SLC2A13: variants seen among roughly 807,000 people sequenced by gnomAD.
SLC2A13 encodes the protein solute carrier family 2 member 13.
In SLC2A13, 32 loss-of-function variants were observed where a neutral mutation model predicts 64.4. The ratio of observed to expected loss-of-function variants is 0.50; its 90% CI spans 0.37 to 0.67. The LOEUF is 0.67. Among genes scored for constraint, SLC2A13 ranks in the 30% least tolerant of loss-of-function variants. The pLI, the probability that SLC2A13 is intolerant of heterozygous loss-of-function variation, is 0.00. For synonymous variants in SLC2A13, 338 were observed against 327.1 expected (o/e 1.03, Z -0.36); for missense variants, 743 against 829.2 (o/e 0.90, Z 1.28).
intron 7 of SLC2A13, among the ~76,000 whole-genome samples, chr12:39,777,716 G>C (rs562940666): frequency 5.3e-5 from 8 of 152,194 alleles, no homozygotes; most frequent in Non-Finnish European, 1.2e-4. Flanking sequence ...CGAGAGGAAC[G>C]CACCAACAGG....
At chr12:39,955,980 C>A (rs1199180634) in intron 3 of SLC2A13, among the ~76,000 whole-genome samples, 1 of 152,094 alleles carries the variant, frequency 6.6e-6, no homozygotes, top group East Asian at 1.9e-4. Context: ...ATTATAGTAA[C>A]CACAGAAAAC....
intron 6 of SLC2A13, among the ~76,000 whole-genome samples, chr12:39,842,616 A>AT (rs1337574063): frequency 6.6e-6 from 1 of 151,948 alleles, no homozygotes; most frequent in Non-Finnish European, 1.5e-5. Flanking sequence ...ATTTTTAAAA[A>AT]TTTTTTACTG....
chr12:39,929,329 G>T (rs544605733), intron 4 of SLC2A13, among the ~76,000 whole-genome samples: 1 of 152,048 alleles, frequency 6.6e-6, no homozygotes, highest in African/African-American at 2.4e-5. Flanking sequence ...GAGGTGGGTG[G>T]ATCACGACGT....
At chr12:39,961,606 C>T (rs1946414464) in intron 3 of SLC2A13, among the ~76,000 whole-genome samples, 1 of 152,098 alleles carries the variant, frequency 6.6e-6, no homozygotes, top group Non-Finnish European at 1.5e-5. Flanking sequence ...TCGAGCAATC[C>T]TCTCGCCTCA....
At chr12:39,924,507 A>G (rs895917626) in intron 4 of SLC2A13, among the ~76,000 whole-genome samples, 2 of 151,134 alleles carry the variant, frequency 1.3e-5, no homozygotes, top group Admixed American at 1.3e-4. Flanking sequence ...ATTTTTGAGG[A>G]CAGTGATAAG....
chr12:39,834,827 A>G (rs1012175050), intron 6 of SLC2A13, among the ~76,000 whole-genome samples: 5 of 152,098 alleles, frequency 3.3e-5, no homozygotes, highest in Non-Finnish European at 5.9e-5. Flanking sequence ...ATATTACAAG[A>G]TTCCCAACTT....
At chr12:39,997,417 A>G (rs1002818990) in intron 3 of SLC2A13, among the ~76,000 whole-genome samples, 4 of 152,108 alleles carry the variant, frequency 2.6e-5, no homozygotes, top group Non-Finnish European at 5.9e-5. Flanking sequence ...ACCTAAGACA[A>G]TTCTCAAAAG....
chr12:39,842,165 T>TAGG (rs1173835977), intron 6 of SLC2A13, among the ~76,000 whole-genome samples: 1 of 152,008 alleles, frequency 6.6e-6, no homozygotes, highest in Non-Finnish European at 1.5e-5. Flanking sequence ...GAAGTTTATT[T>TAGG]AAAGGAAAGC....
intron 3 of SLC2A13, among the ~76,000 whole-genome samples, chr12:39,966,391 T>C (rs998174054): frequency 6.6e-6 from 1 of 152,112 alleles, no homozygotes; most frequent in Non-Finnish European, 1.5e-5. Context: ...GCAACAATTC[T>C]GTTCCTTCTT....
At chr12:39,899,513 C>T (rs1945026509) in intron 4 of SLC2A13, among the ~76,000 whole-genome samples, 1 of 151,868 alleles carries the variant, frequency 6.6e-6, no homozygotes, top group African/African-American at 2.4e-5. Flanking sequence ...TATTTCTTGC[C>T]CTCTGCTAGC....
rs1300000370 is a variant in SLC2A13 at position 40,105,355 on chromosome 12, G to A, written c.454C>T (p.Leu152Phe). The A allele has an allele frequency of 6.3e-7, 1 of 1,587,878 alleles. No homozygotes were observed. Among genetic ancestry groups the A allele is most frequent in the Non-Finnish European group, 8.6e-7 (1 of 1,168,236 alleles). The part of the protein sequence containing the change: ...NGVFGRRAAI[L>F]LASALFTAGS... ...GCGGTGAAGAGGGCACTGGCCAGGA[G>A]GATGGCAGCGCGGCGGCCGAAGACG... Residue 152 changes from leucine to phenylalanine, a missense_variant, in exon 1 of 10, where the codon CTC becomes TTC. Leu to Phe is a conservative substitution (Grantham distance 22). This residue lies in a region of SLC2A13 where 448 missense variants were observed against 447.4 expected (regional missense o/e 1.00). Transcript: ENST00000280871. The surrounding 1 kb of genome is among the most constrained non-coding windows in gnomAD (Gnocchi z 4.2).
At chr12:39,945,150 C>A (rs1428719151) in intron 4 of SLC2A13, among the ~76,000 whole-genome samples, 1 of 152,150 alleles carries the variant, frequency 6.6e-6, no homozygotes, top group Non-Finnish European at 1.5e-5. Flanking sequence ...AAATTCTTGG[C>A]TGATAATTTT....
intron 7 of SLC2A13, among the ~76,000 whole-genome samples, chr12:39,785,781 G>A (rs1158181579): frequency 2.0e-5 from 3 of 152,206 alleles, no homozygotes; most frequent in Non-Finnish European, 4.4e-5. Context: ...TGACCTGGAT[G>A]TGAGACCTGG....
chr12:39,762,010 T>G (rs1436235028), intron 9 of SLC2A13, among the ~76,000 whole-genome samples: 1 of 152,136 alleles, frequency 6.6e-6, no homozygotes, highest in Non-Finnish European at 1.5e-5. Context: ...TTACAGATTC[T>G]TTCTTGTGAC....
chr12:40,003,643 C>T (rs1415490317), intron 3 of SLC2A13, among the ~76,000 whole-genome samples: 3 of 151,598 alleles, frequency 2.0e-5, no homozygotes, highest in African/African-American at 7.3e-5. Flanking sequence ...AAGTCATCTC[C>T]AAGGAGAAGA....
At chr12:40,051,845 T>C (rs1421525411) in intron 1 of SLC2A13, among the ~76,000 whole-genome samples, 2 of 152,052 alleles carry the variant, frequency 1.3e-5, no homozygotes, top group Admixed American at 6.6e-5. Flanking sequence ...CGCAGAAGCC[T>C]CTGAATAGGG....
rs935350501 is a variant in SLC2A13, at chr12:39,830,085, G to A, written c.1445+18C>T. 3.1e-6 allele frequency: 5 copies of A among 1,613,020 alleles called. No individual in the cohort carries two copies. The highest frequency in any genetic ancestry group is 1.6e-4 in the Middle Eastern group (1 of 6,074). On this transcript the variant is annotated intron_variant, in intron 7 of 9. Coordinates refer to ENST00000280871, the MANE Select transcript of SLC2A13 (RefSeq NM_052885.4). The stretch of plus-strand genomic sequence containing the variant: ...TGAAATATTATTATATATTCGTATG[G>A]TAAAATGAGTGATATACCTGCCCCA...
intron 1 of SLC2A13, among the ~76,000 whole-genome samples, chr12:40,053,848 A>G (rs1231155694): frequency 6.6e-6 from 1 of 152,178 alleles, no homozygotes; most frequent in East Asian, 1.9e-4. Context: ...AATAAAAGCA[A>G]CCCATGCAAA....
At chr12:40,028,201 C>T in intron 3 of SLC2A13, 100 bp downstream of exon 3, 2 of 555,530 alleles carry the variant, frequency 3.6e-6, no homozygotes, top group Non-Finnish European at 5.7e-6. Flanking sequence ...ACATAAATAC[C>T]CATATATTAA....
Sources: allele counts gnomAD v4.1 joint callset (sites outside exome capture counted in the v4.1 genomes callset), GRCh38; gene constraint gnomAD v4.1.1; regional missense constraint gnomAD v4.1.1; non-coding constraint Gnocchi (gnomAD v3.1); transcripts MANE v1.5; gene names NCBI Gene and HGNC (gene_info 2026-07-23, HGNC 2026-07-21).